PTPRD: variants seen among roughly 807,000 people sequenced by gnomAD.
PTPRD encodes receptor-type tyrosine-protein phosphatase delta.
Under a neutral mutation model 214.5 loss-of-function variants are expected in PTPRD, and 34 were observed. The ratio of observed to expected loss-of-function variants is 0.16; its 90% CI spans 0.12 to 0.21. The LOEUF (loss-of-function observed/expected upper bound fraction) is 0.21, where lower values mean the gene tolerates loss of function less well. Among genes scored for constraint, PTPRD ranks in the 10% least tolerant of loss-of-function variants. The probability of loss-of-function intolerance (pLI) is 1.00; values close to 1 mark genes in which losing one functional copy is unlikely to be tolerated. For missense variants in PTPRD, 2,545 were observed against 2,398.7 expected (o/e 1.06, Z -1.27); for synonymous variants, 1,128 against 845.7 (o/e 1.33, Z -5.79).
chr9:8,394,188 A>G (rs1315036143), intron 36 of PTPRD, among the ~76,000 whole-genome samples: 1 of 152,052 alleles, frequency 6.6e-6, no homozygotes, highest in Non-Finnish European at 1.5e-5. Context: ...AAGAAAAAAA[A>G]AAGCAAACAA....
chr9:9,077,621 G>T (rs777475506), intron 10 of PTPRD, among the ~76,000 whole-genome samples: 16 of 152,050 alleles, frequency 1.1e-4, no homozygotes, highest in Non-Finnish European at 2.2e-4. Context: ...GTCATGCAAA[G>T]ATTTGTGACT....
At chr9:8,788,503 G>A (rs1028484226) in intron 11 of PTPRD, among the ~76,000 whole-genome samples, 12 of 151,868 alleles carry the variant, frequency 7.9e-5, no homozygotes, top group Middle Eastern at 6.8e-3. Flanking sequence ...TCAAACTCCC[G>A]ACCTCAGATG....
intron 3 of PTPRD, among the ~76,000 whole-genome samples, chr9:10,241,687 G>T (rs1470228791): frequency 6.6e-6 from 1 of 151,910 alleles, no homozygotes; most frequent in Admixed American, 6.6e-5. Flanking sequence ...TGAAAACCAG[G>T]GTTGGTGGAG....
chr9:10,020,139 T>G (rs537876732), intron 4 of PTPRD, among the ~76,000 whole-genome samples: 1 of 152,296 alleles, frequency 6.6e-6, no homozygotes, highest in East Asian at 1.9e-4. Flanking sequence ...AAGAATACTA[T>G]CTTCTATTTT....
At chr9:9,586,672 T>C (rs2092024506) in intron 7 of PTPRD, among the ~76,000 whole-genome samples, 1 of 151,986 alleles carries the variant, frequency 6.6e-6, no homozygotes, top group East Asian at 1.9e-4. Context: ...CCATTTATGC[T>C]AAATAGGTTG....
chr9:8,372,095 T>G (rs1455728708), intron 39 of PTPRD, among the ~76,000 whole-genome samples: 1 of 152,058 alleles, frequency 6.6e-6, no homozygotes. Context: ...TGATCCTCTC[T>G]AACACATAGC....
rs375306706 is a variant in PTPRD, at chr9:8,336,292, C to T, written c.5379+2630G>A. Among the ~76,000 whole-genome samples, 36 of 148,782 alleles carry T rather than the reference C, an allele frequency of 2.4e-4. 1 individual carries two copies. Among genetic ancestry groups the T allele is most frequent in the Non-Finnish European group, 3.7e-4 (25 of 68,014 alleles). ...AACAGAACAGAGGCCTCAGAAGTAA[C>T]GCCACACATCTGCAAACATCTTATC... On this transcript the variant is annotated intron_variant, in intron 43 of 45. Transcript: ENST00000381196.
At chr9:10,054,876 C>T (rs1427928645) in intron 3 of PTPRD, among the ~76,000 whole-genome samples, 2 of 152,070 alleles carry the variant, frequency 1.3e-5, no homozygotes, top group Admixed American at 1.3e-4. Flanking sequence ...TGTTGAAGTC[C>T]TCATACCCTG....
chr9:10,480,907 C>T (rs2099093419), intron 2 of PTPRD, among the ~76,000 whole-genome samples: 1 of 152,098 alleles, frequency 6.6e-6, no homozygotes, highest in African/African-American at 2.4e-5. Context: ...GATAAAAATG[C>T]TTAAACTCTT....
intron 11 of PTPRD, among the ~76,000 whole-genome samples, chr9:8,834,544 T>C (rs983331599): frequency 2.2e-4 from 33 of 152,302 alleles, no homozygotes; most frequent in African/African-American, 7.5e-4. Context: ...ACTGACAGCA[T>C]TAATACTAAT....
intron 2 of PTPRD, among the ~76,000 whole-genome samples, chr9:10,403,109 G>A (rs190901615): frequency 7.8e-4 from 117 of 150,522 alleles, no homozygotes; most frequent in Admixed American, 1.9e-3. Flanking sequence ...TAGAAATAAA[G>A]GTGCAGTTAA....
At chr9:10,222,452 T>C (rs2154350055) in intron 3 of PTPRD, among the ~76,000 whole-genome samples, 1 of 152,274 alleles carries the variant, frequency 6.6e-6, no homozygotes, top group Admixed American at 6.5e-5. Context: ...ATCCTATGTC[T>C]TTATTGTCAG....
At chr9:9,321,458 G>A (rs1966465532) in intron 9 of PTPRD, among the ~76,000 whole-genome samples, 1 of 151,180 alleles carries the variant, frequency 6.6e-6, no homozygotes, top group South Asian at 2.1e-4. Flanking sequence ...GGGAGGCTGA[G>A]GCAAGAGAAT....
rs557797725 is a variant in PTPRD, at chr9:8,943,298, A to G, written c.-104+75399T>C. On this transcript the variant is annotated intron_variant, in intron 11 of 45. Coordinates refer to ENST00000381196, the MANE Select transcript of PTPRD (RefSeq NM_002839.4). ...AATCCTAAAATTTTTATGGAACACA[A>G]AAGACTCAGAGTAGCCAAACCTACC... is the stretch of plus-strand genomic sequence containing the variant. Among the ~76,000 whole-genome samples the G allele has an allele frequency of 2.0e-3, 299 of 152,128 alleles. 2 individuals carry two copies. The highest frequency in any genetic ancestry group is 6.2e-3 in the African/African-American group (256 of 41,534).
chr9:9,901,237 A>C (rs2076327884), intron 5 of PTPRD, among the ~76,000 whole-genome samples: 1 of 152,178 alleles, frequency 6.6e-6, no homozygotes, highest in Non-Finnish European at 1.5e-5. Context: ...CTTAGCATAC[A>C]ATATTTTTAA....
chr9:10,260,295 C>A (rs1316016561), intron 3 of PTPRD, among the ~76,000 whole-genome samples: 1 of 152,050 alleles, frequency 6.6e-6, no homozygotes, highest in Non-Finnish European at 1.5e-5. Flanking sequence ...TTACCCGGCC[C>A]AAGAAAACAC....
At chr9:8,572,125 T>C (rs956905316) in intron 14 of PTPRD, among the ~76,000 whole-genome samples, 2 of 152,128 alleles carry the variant, frequency 1.3e-5, no homozygotes, top group African/African-American at 4.8e-5. Flanking sequence ...GCTCATTTAA[T>C]ATTAAATATA....
chr9:9,910,487 C>T (rs1053099285), intron 5 of PTPRD, among the ~76,000 whole-genome samples: 2 of 151,970 alleles, frequency 1.3e-5, no homozygotes, highest in African/African-American at 4.8e-5. Context: ...TGTTTGAAAA[C>T]ATACGTACTC....
intron 4 of PTPRD, among the ~76,000 whole-genome samples, chr9:9,989,932 C>T (rs1226786901): frequency 6.6e-6 from 1 of 152,148 alleles, no homozygotes; most frequent in Non-Finnish European, 1.5e-5. Context: ...GCACTGTGGG[C>T]TGAGAAAGCA....
Sources: gnomAD v4.1 joint callset for allele counts (sites outside exome capture counted in the v4.1 genomes callset) on GRCh38, gnomAD v4.1.1 for gene constraint, MANE v1.5 for transcripts, NCBI Gene and HGNC (gene_info 2026-07-23, HGNC 2026-07-21) for gene names.